RBFOX1: variants seen among roughly 807,000 people sequenced by gnomAD.
RBFOX1 encodes RNA binding fox-1 homolog 1.
RBFOX1 carries 8 observed loss-of-function variants against 57.7 expected under a neutral mutation model. The ratio of observed to expected loss-of-function variants is 0.14; its 90% CI spans 0.08 to 0.25. RBFOX1 has a LOEUF of 0.25. Ranked by LOEUF, RBFOX1 falls within the 10% of genes least tolerant of loss-of-function variation. The pLI is 1.00. For synonymous variants in RBFOX1, 326 were observed against 222.4 expected (o/e 1.47, Z -4.15); for missense variants, 611 against 548.5 (o/e 1.11, Z -1.14).
intron 2 of RBFOX1, among the ~76,000 whole-genome samples, chr16:6,495,378 G>A (rs1206322122): frequency 1.1e-4 from 9 of 78,474 alleles, no homozygotes; most frequent in Non-Finnish European, 2.2e-4. Context: ...CCCCGCCCCC[G>A]CCTTGGCCTC....
chr16:6,734,482 A>T (rs905023212), intron 3 of RBFOX1, among the ~76,000 whole-genome samples: 7 of 152,204 alleles, frequency 4.6e-5, no homozygotes, highest in African/African-American at 1.7e-4. Context: ...CTCATTACAG[A>T]TGAGGACATG....
chr16:5,749,791 C>A (rs1033064401), intron 3 of RBFOX1, among the ~76,000 whole-genome samples: 9 of 152,074 alleles, frequency 5.9e-5, no homozygotes, highest in African/African-American at 2.2e-4. Context: ...AGGTTTTTAG[C>A]TTCTTTGCGA....
chr16:6,134,727 G>C (rs1244827382), intron 1 of RBFOX1, among the ~76,000 whole-genome samples: 2 of 150,266 alleles, frequency 1.3e-5, no homozygotes, highest in African/African-American at 4.9e-5. Context: ...ACCCAGGCTG[G>C]AGTGCAGTGG....
chr16:7,268,458 A>C (rs1206557093), intron 4 of RBFOX1, among the ~76,000 whole-genome samples: 2 of 152,190 alleles, frequency 1.3e-5, no homozygotes, highest in Non-Finnish European at 2.9e-5. Flanking sequence ...TCCTCTGCCC[A>C]AATTGCTGCT....
chr16:7,026,199 C>A (rs1019308350), intron 3 of RBFOX1, among the ~76,000 whole-genome samples: 1 of 152,186 alleles, frequency 6.6e-6, no homozygotes, highest in Non-Finnish European at 1.5e-5. Flanking sequence ...CTGAGGACAT[C>A]AAGACCGTCT....
intron 2 of RBFOX1, among the ~76,000 whole-genome samples, chr16:5,551,648 T>C (rs887873483): frequency 3.9e-5 from 6 of 152,282 alleles, no homozygotes; most frequent in Middle Eastern, 3.4e-3. Context: ...CTCTTTTTTT[T>C]AACCTTACGT....
chr16:6,871,812 T>A (rs1276283004), intron 3 of RBFOX1, among the ~76,000 whole-genome samples: 2 of 152,120 alleles, frequency 1.3e-5, no homozygotes, highest in Non-Finnish European at 2.9e-5. Flanking sequence ...ATGTTGTCAG[T>A]GGCCCTCAAA....
At chr16:7,490,401 C>T (rs1348173679) in intron 4 of RBFOX1, among the ~76,000 whole-genome samples, 1 of 152,174 alleles carries the variant, frequency 6.6e-6, no homozygotes, top group East Asian at 1.9e-4. Flanking sequence ...CTTGTAGCTA[C>T]TCACTAGAGT....
chr16:5,705,894 C>G (rs900352105), intron 3 of RBFOX1, among the ~76,000 whole-genome samples: 1 of 152,122 alleles, frequency 6.6e-6, no homozygotes, highest in African/African-American at 2.4e-5. Flanking sequence ...GACACATGAA[C>G]TGATCGTGTT....
chr16:7,470,202 A>G (rs562087389), intron 4 of RBFOX1, among the ~76,000 whole-genome samples: 25 of 152,172 alleles, frequency 1.6e-4, no homozygotes, highest in Non-Finnish European at 2.6e-4. Flanking sequence ...GGTCATCTCT[A>G]TCATAGAACT....
At chr16:6,908,657 C>A (rs934424147) in intron 3 of RBFOX1, among the ~76,000 whole-genome samples, 1 of 152,142 alleles carries the variant, frequency 6.6e-6, no homozygotes, top group African/African-American at 2.4e-5. Context: ...CAGAATATGG[C>A]CCTCTAATTA....
chr16:5,751,214 G>C (rs1223423453), intron 3 of RBFOX1, among the ~76,000 whole-genome samples: 1 of 152,174 alleles, frequency 6.6e-6, no homozygotes, highest in African/African-American at 2.4e-5. Flanking sequence ...TTTAGGCTCT[G>C]GTGGAGAGAT....
chr16:6,862,300 G>T (rs962254407), intron 3 of RBFOX1, among the ~76,000 whole-genome samples: 3 of 152,140 alleles, frequency 2.0e-5, no homozygotes, highest in Non-Finnish European at 4.4e-5. Context: ...AGTGGAGACT[G>T]TTTGCCTTGT....
At chr16:7,146,396 C>T (rs1162093719) in intron 4 of RBFOX1, among the ~76,000 whole-genome samples, 3 of 152,166 alleles carry the variant, frequency 2.0e-5, no homozygotes, top group African/African-American at 4.8e-5. Context: ...GTATACTTTG[C>T]TGAACCAGCT....
intron 3 of RBFOX1, among the ~76,000 whole-genome samples, chr16:5,746,153 A>G (rs897880286): frequency 1.2e-4 from 18 of 152,302 alleles, no homozygotes; most frequent in South Asian, 2.1e-4. Flanking sequence ...AGCTTTCTCT[A>G]TATGGCTAGC....
chr16:7,350,938 C>A (rs951107025), intron 4 of RBFOX1, among the ~76,000 whole-genome samples: 22 of 152,178 alleles, frequency 1.4e-4, no homozygotes, highest in African/African-American at 5.1e-4. Context: ...ACATGCAAAC[C>A]TGCCTGAGCA....
At chr16:5,456,765 G>A (rs1435487360) in intron 1 of RBFOX1, among the ~76,000 whole-genome samples, 2 of 152,168 alleles carry the variant, frequency 1.3e-5, no homozygotes, top group Non-Finnish European at 2.9e-5. Context: ...GTGAAGGGCA[G>A]CCCTGGTCAT....
chr16:7,158,810 T>A lies in RBFOX1; in HGVS notation c.27+106712T>A, dbSNP rs143856329. On this transcript the variant is annotated intron_variant, in intron 4 of 15. Coordinates refer to ENST00000550418, the MANE Select transcript of RBFOX1 (RefSeq NM_018723.4). ...CATGCATATGCGTTTGTGTGGTGTT[T>A]GTGTCTCTAGTGTCAGCACTTGTTT... Among the ~76,000 whole-genome samples, 195 of 152,166 alleles carry A rather than the reference T, an allele frequency of 1.3e-3. 4 individuals are homozygous for A. The East Asian group carries it at 0.036, about 28-fold the overall frequency.
chr16:6,235,803 C>T (rs149465601), intron 1 of RBFOX1, among the ~76,000 whole-genome samples: 1 of 151,916 alleles, frequency 6.6e-6, no homozygotes, highest in Admixed American at 6.6e-5. Flanking sequence ...GGGAGCTAAG[C>T]TACGAGGATG....
Sources: allele counts gnomAD v4.1 joint callset (sites outside exome capture counted in the v4.1 genomes callset), GRCh38; gene constraint gnomAD v4.1.1; transcripts MANE v1.5; gene names NCBI Gene and HGNC (gene_info 2026-07-23, HGNC 2026-07-21).